The following ERAP1 variants were observed in gnomAD, a reference collection of about 807,000 sequenced individuals.
ERAP1 encodes adipocyte-derived leucine aminopeptidase.
Under a neutral mutation model 103.7 loss-of-function variants are expected in ERAP1, and 86 were observed. That is an observed-to-expected ratio of 0.83 (90% CI 0.70 to 0.99). ERAP1 has a LOEUF of 0.99. Among genes scored for constraint, ERAP1 ranks in the 50% least tolerant of loss-of-function variants. ERAP1 has a pLI of 0.00. For synonymous variants in ERAP1, 398 were observed against 402.4 expected (o/e 0.99, Z 0.13); for missense variants, 1,009 against 1,128.4 (o/e 0.89, Z 1.52).
the ERAP1 span, among the ~76,000 whole-genome samples, chr5:96,874,694 C>G: frequency 2.6e-5 from 4 of 152,202 alleles, no homozygotes; most frequent in African/African-American, 9.7e-5. Context: ...ACTTTATCGA[C>G]TTGTTCTTTC....
intron 18 of ERAP1, 51 bp downstream of exon 18, chr5:96,780,372 G>A: frequency 7.6e-7 from 1 of 1,321,956 alleles, no homozygotes; most frequent in Non-Finnish European, 1.0e-6. Context: ...ATATTAATTA[G>A]CTAATTTTCA....
the ERAP1 span, among the ~76,000 whole-genome samples, chr5:96,838,137 G>A: frequency 1.3e-5 from 2 of 152,270 alleles, no homozygotes; most frequent in Non-Finnish European, 2.9e-5. Flanking sequence ...ACTTTGGGCC[G>A]TGGTTCCAGG....
chr5:96,816,078 A>G, the ERAP1 span, among the ~76,000 whole-genome samples: 243 of 152,300 alleles, frequency 1.6e-3, no homozygotes, highest in Non-Finnish European at 2.9e-3. Context: ...AATGTAGGAG[A>G]ATCAGTGAAC....
At chr5:96,819,171 G>A in the ERAP1 span, among the ~76,000 whole-genome samples, 35 of 152,168 alleles carry the variant, frequency 2.3e-4, no homozygotes, top group African/African-American at 7.0e-4. Context: ...TGATCTGCCC[G>A]CCTCGGCCTC....
At chr5:96,813,411 T>G in the ERAP1 span, among the ~76,000 whole-genome samples, 1 of 151,968 alleles carries the variant, frequency 6.6e-6, no homozygotes, top group Non-Finnish European at 1.5e-5. Flanking sequence ...TCCCAGCACT[T>G]TGGGAGGCCA....
At chr5:96,929,791 T>A in the ERAP1 span, among the ~76,000 whole-genome samples, 2 of 152,232 alleles carry the variant, frequency 1.3e-5, no homozygotes, top group African/African-American at 2.4e-5. Context: ...TCTTGGTTTG[T>A]AATCCTAATT....
At chr5:96,779,925 T>C (rs1322037163) in intron 18 of ERAP1, among the ~76,000 whole-genome samples, 1 of 152,232 alleles carries the variant, frequency 6.6e-6, no homozygotes, top group Admixed American at 6.5e-5. Flanking sequence ...TTATCACCTG[T>C]CCATTATGTA....
At chr5:96,874,136 G>GAAAGAA in the ERAP1 span, among the ~76,000 whole-genome samples, 10 of 118,880 alleles carry the variant, frequency 8.4e-5, no homozygotes, top group East Asian at 2.3e-4. Context: ...GAAAGAGAGA[G>GAAAGAA]AGAAAGAAAG....
At chr5:96,841,405 T>C in the ERAP1 span, among the ~76,000 whole-genome samples, 1 of 152,196 alleles carries the variant, frequency 6.6e-6, no homozygotes, top group Non-Finnish European at 1.5e-5. Flanking sequence ...GTTTAGAGCC[T>C]AGCCATACTG....
chr5:96,895,810 A>T, the ERAP1 span, among the ~76,000 whole-genome samples: 1 of 152,170 alleles, frequency 6.6e-6, no homozygotes, highest in East Asian at 1.9e-4. Flanking sequence ...CGTCTTTTTT[A>T]AAAACGAATA....
the ERAP1 span, among the ~76,000 whole-genome samples, chr5:96,891,570 G>T: frequency 7.8e-6 from 1 of 128,118 alleles, no homozygotes; most frequent in African/African-American, 3.0e-5. Context: ...ACACATATAT[G>T]GTACACACAC....
At chr5:96,782,633 T>C (rs1235657880) in intron 15 of ERAP1, among the ~76,000 whole-genome samples, 1 of 152,182 alleles carries the variant, frequency 6.6e-6, no homozygotes, top group African/African-American at 2.4e-5. Context: ...GTAGCAAGAA[T>C]AGGGATTTCC....
At chr5:96,889,315 A>G in the ERAP1 span, 1 of 1,613,916 alleles carries the variant, frequency 6.2e-7, no homozygotes. Context: ...GGTATGTTCA[A>G]ATTCCACATT....
chr5:96,916,407 C>T, the ERAP1 span, among the ~76,000 whole-genome samples: 139 of 149,918 alleles, frequency 9.3e-4, 1 homozygote, highest in African/African-American at 2.7e-3. Context: ...AGTTTGGAAG[C>T]GTACTTAATG....
chr5:96,820,764 T>C, the ERAP1 span, among the ~76,000 whole-genome samples: 8 of 152,326 alleles, frequency 5.3e-5, no homozygotes, highest in East Asian at 1.5e-3. Context: ...TGTAACCTCT[T>C]CTTTCTTGCA....
At chr5:96,897,086 T>G in the ERAP1 span, among the ~76,000 whole-genome samples, 5 of 152,218 alleles carry the variant, frequency 3.3e-5, no homozygotes, top group Admixed American at 3.3e-4. Flanking sequence ...CCTGACTTTC[T>G]TTGGTTTCTC....
intron 3 of ERAP1, 28 bp downstream of exon 3, chr5:96,800,834 T>C (rs566746548): frequency 8.7e-6 from 14 of 1,612,064 alleles, no homozygotes; most frequent in African/African-American, 4.0e-5. Flanking sequence ...GATTTTCCTA[T>C]AGAAAATACA....
chr5:96,777,896 T>C (rs1393242966), intron 18 of ERAP1, among the ~76,000 whole-genome samples: 1 of 152,214 alleles, frequency 6.6e-6, no homozygotes, highest in African/African-American at 2.4e-5. Flanking sequence ...AATATTTGAT[T>C]CAGACTTGGC....
chr5:96,768,005 G>A (rs1770634916), intron 19 of ERAP1: 1 of 1,591,022 alleles, frequency 6.3e-7, no homozygotes, highest in East Asian at 2.2e-5. Flanking sequence ...CAAAGGTACT[G>A]TGCTTTTTCA....
Sources: allele counts gnomAD v4.1 joint callset (sites outside exome capture counted in the v4.1 genomes callset), GRCh38; gene constraint gnomAD v4.1.1; transcripts MANE v1.5; gene names NCBI Gene and HGNC (gene_info 2026-07-23, HGNC 2026-07-21).